The following PKP3 variants were observed in gnomAD, a reference collection of about 807,000 sequenced individuals.
The protein encoded by PKP3 is plakophilin 3, also known as plakophilin-3.
Under a neutral mutation model 76.5 loss-of-function variants are expected in PKP3, and 66 were observed. The ratio of observed to expected loss-of-function variants is 0.86; its 90% CI spans 0.71 to 1.06. The LOEUF is 1.06. PKP3 is among the 50% of genes least tolerant of loss of function. PKP3 has a pLI of 0.00. For synonymous variants in PKP3, 638 were observed against 516.5 expected (o/e 1.24, Z -3.19); for missense variants, 1,338 against 1,141.0 (o/e 1.17, Z -2.49).
chr11:397,085 A>G lies in PKP3; in HGVS notation c.584A>G (p.Tyr195Cys), dbSNP rs1847059512. Residue 195 changes from tyrosine (Y) to cysteine (C), a missense_variant, in exon 3 of 13, where the codon TAC becomes TGC. Tyr to Cys is a radical substitution (Grantham distance 194, BLOSUM62 -2). Coordinates refer to ENST00000331563, the MANE Select transcript of PKP3 (RefSeq NM_007183.4). ...RLGPGGLDDR[Y>C]SLVSEQLEPA... ...GGGCCCGGGGGCCTGGACGACCGCTACAGCCTGGTGTCTGAGCAGCTGGAG... is the reference window on the plus strand; with the variant it reads ...GGGCCCGGGGGCCTGGACGACCGCTGCAGCCTGGTGTCTGAGCAGCTGGAG... The G allele has an allele frequency of 5.6e-6, 9 of 1,598,428 alleles. No individual in the cohort carries two copies. Among genetic ancestry groups the G allele is most frequent in the South Asian group, 1.1e-5 (1 of 91,036 alleles).
chr11:394,569 G>T, intron 1 of PKP3, 45 bp downstream of exon 1: 2 of 1,328,754 alleles, frequency 1.5e-6, no homozygotes, highest in Non-Finnish European at 1.9e-6. Context: ...GCGGGGAGAG[G>T]TGGCTGCGGG....
At position 397,081 on chromosome 11, in the gene PKP3, C is replaced by T. The variant is rs771277318; in HGVS notation, c.580C>T (p.Arg194Cys). 50 of 1,598,528 alleles carry T rather than the reference C, an allele frequency of 3.1e-5. No homozygotes were observed. The highest frequency in any genetic ancestry group is 1.7e-4 in the Middle Eastern group (1 of 6,048). ...LRLGPGGLDD[R>C]YSLVSEQLEP... ...GCTGGGGCCCGGGGGCCTGGACGAC[C>T]GCTACAGCCTGGTGTCTGAGCAGCT... The change falls in exon 3 of 13, where the codon CGC becomes TGC. Residue 194 changes from arginine (R) to cysteine (C), a missense_variant. Coordinates refer to ENST00000331563, the MANE Select transcript of PKP3 (RefSeq NM_007183.4).
rs1205662419 is a variant in PKP3, at chr11:403,820, TTTTGTC to T, written c.2077+53_2077+58del. ...CTGCCCTGCTGGACCCACATGTCAA[TTTTGTC>T]TTTAAGTGTGGGCTTCAGACCACTG... On this transcript the variant is annotated intron_variant, in intron 10 of 12. Coordinates refer to ENST00000331563, the MANE Select transcript of PKP3 (RefSeq NM_007183.4). 6.3e-6 allele frequency: 10 copies of T among 1,598,722 alleles called. No individual in the cohort carries two copies. The African/African-American group carries it at 1.2e-4, about 19-fold the overall frequency.
rs1446635879 is a variant in PKP3 at position 400,597 on chromosome 11, G to GC, written c.1631dup (p.Ser545ValfsTer143). ...CCTACCGCCTCTACGACGAGATGCC[G>GC]CCGTCCGCGCTGCAGCGGCTGGAGG... is the stretch of plus-strand genomic sequence containing the variant. On this transcript the variant is annotated frameshift_variant, in exon 8 of 13. Coordinates refer to ENST00000331563, the MANE Select transcript of PKP3 (RefSeq NM_007183.4). LOFTEE classifies it high-confidence loss of function. 6.8e-6 allele frequency: 10 copies of GC among 1,465,876 alleles called. No homozygotes were observed. Among genetic ancestry groups the GC allele is most frequent in the African/African-American group, 1.5e-5 (1 of 67,256 alleles). The allele number at this position is 1,465,876 out of a possible 1,614,324, so 90.8% of individuals were successfully genotyped here.
In PKP3 at chr11:400,592, A is replaced by T. The variant is rs1401734706; in HGVS notation, c.1624A>T (p.Met542Leu). ...CCTGTCCTACCGCCTCTACGACGAGATGCCGCCGTCCGCGCTGCAGCGGCT... is the reference window on the plus strand; with the variant it reads ...CCTGTCCTACCGCCTCTACGACGAGTTGCCGCCGTCCGCGCTGCAGCGGCT... ...RNLSYRLYDEMPPSALQRLEG... is the reference protein window; with the variant it reads ...RNLSYRLYDELPPSALQRLEG... Residue 542 changes from methionine (M) to leucine (L), a missense_variant, in exon 8 of 13, where the codon ATG (methionine) becomes TTG (leucine). By Grantham distance (15) the Met-to-Leu change is conservative. Coordinates refer to ENST00000331563, the MANE Select transcript of PKP3 (RefSeq NM_007183.4). 6 of 1,470,422 alleles carry T rather than the reference A, an allele frequency of 4.1e-6. No individual in the cohort carries two copies. The African/African-American group carries it at 8.9e-5, about 22-fold the overall frequency. 91.1% of individuals were successfully genotyped at this position (1,470,422 alleles called of 1,614,324 possible).
Position 404,832 on chromosome 11 carries a change from A to G in PKP3, c.*263A>G. 2 of 538,440 alleles carry G rather than the reference A, an allele frequency of 3.7e-6. No homozygotes were observed. The highest frequency in any genetic ancestry group is 4.2e-5 in the South Asian group (2 of 47,328). 33.4% of individuals were successfully genotyped at this position (538,440 alleles called of 1,614,324 possible). A position where few individuals can be genotyped will look rare whatever the true frequency, so the allele number is the denominator to read the frequency against. Reference sequence around the variant, plus strand: ...GGGGTGGTGACCCAGTCACATTGGCAGAGGTGGGGGTTGGCTGTGGCCTGG... The same window carrying G: ...GGGGTGGTGACCCAGTCACATTGGCGGAGGTGGGGGTTGGCTGTGGCCTGG... On this transcript the variant is annotated 3_prime_UTR_variant, in exon 13 of 13. Coordinates refer to ENST00000331563, the MANE Select transcript of PKP3 (RefSeq NM_007183.4). This position sits in a 1 kb window ranked among gnomAD's most constrained non-coding sequence, Gnocchi z 4.2.
At chr11:394,556 G>A in intron 1 of PKP3, 32 bp downstream of exon 1, 1 of 1,349,892 alleles carries the variant, frequency 7.4e-7, no homozygotes, top group Non-Finnish European at 9.5e-7. Context: ...GGGGATGGCG[G>A]TGGCGGGGAG....
chr11:397,122 C>G lies in PKP3; in HGVS notation c.621C>G (p.Thr207=). 1.9e-6 allele frequency: 3 copies of G among 1,598,098 alleles called. No homozygotes were observed. Among genetic ancestry groups the G allele is most frequent in the Non-Finnish European group, 1.7e-6 (2 of 1,179,286 alleles). ...LVSEQLEPAA[T]STYRAFAYER... ...CTGAGCAGCTGGAGCCCGCGGCCAC[C>G]TCCACCTACAGGGCCTTTGCGTACG... Residue 207 remains threonine, a synonymous_variant, in exon 3 of 13, where the codon ACC becomes ACG. Coordinates refer to ENST00000331563, the MANE Select transcript of PKP3 (RefSeq NM_007183.4).
rs1463759351 is a variant in PKP3, at chr11:400,688, A to T, written c.1720A>T (p.Ser574Cys). 1 of 1,277,090 alleles carries T rather than the reference A, an allele frequency of 7.8e-7. No individual in the cohort carries two copies. The highest frequency in any genetic ancestry group is 9.9e-7 in the Non-Finnish European group (1 of 1,009,772). 79.1% of individuals were successfully genotyped at this position (1,277,090 alleles called of 1,614,324 possible). The change falls in exon 8 of 13, where the codon AGC becomes TGC. Residue 574 changes from serine to cysteine, a missense_variant. Coordinates refer to ENST00000331563, the MANE Select transcript of PKP3 (RefSeq NM_007183.4). The part of the protein sequence containing the change: ...GEVVGCFTPQ[S>C]RRLRELPLAA... ...GGTCGTGGGCTGCTTCACGCCGCAG[A>T]GCCGGCGGCTGCGCGAGGTGGGCAC...
intron 1 of PKP3, 143 bp downstream of exon 1, chr11:394,667 G>A (rs111233996): frequency 4.2e-5 from 18 of 427,582 alleles, no homozygotes; most frequent in African/African-American, 3.7e-4. Context: ...CCCGCCCCAG[G>A]GGCGTGGGGA....
Position 395,400 on chromosome 11 carries a change from G to A in PKP3, c.232+876G>A, listed in dbSNP as rs1161851249. ...GGGGAAGTGAAGGTCGCCCAGCGGA[G>A]GGGCCGGCCCGGCGGCCTGGACTGT... is the stretch of plus-strand genomic sequence containing the variant. On this transcript the variant is annotated intron_variant, in intron 1 of 12. Coordinates refer to ENST00000331563, the MANE Select transcript of PKP3 (RefSeq NM_007183.4). Among the ~76,000 whole-genome samples the A allele has an allele frequency of 2.6e-5, 4 of 152,238 alleles. No homozygotes were observed. The East Asian group carries it at 7.7e-4, about 29-fold the overall frequency.
In PKP3 at chr11:397,221, C is replaced by T; in HGVS notation, c.720C>T (p.Ser240=). 1 of 1,598,990 alleles carries T rather than the reference C, an allele frequency of 6.3e-7. No homozygotes were observed. The highest frequency in any genetic ancestry group is 8.5e-7 in the Non-Finnish European group (1 of 1,178,960). The change falls in exon 3 of 13, where the codon AGC becomes AGT. Residue 240 remains serine (S), a synonymous_variant. Transcript: ENST00000331563. The part of the protein sequence containing the change: ...DWPEATEVSP[S]RTIRAPAVRT... ...CCGAGGCCACTGAGGTTTCCCCGAG[C>T]CGGACCATCCGTGCCCCTGCCGTGC...
chr11:392,655 G>T (rs1220507482), upstream of PKP3: 1 of 1,286,854 alleles, frequency 7.8e-7, no homozygotes, highest in African/African-American at 1.5e-5. Flanking sequence ...TCGGCCGTCA[G>T]CAGTGGCCTC....
At position 403,594 on chromosome 11, in the gene PKP3, G is replaced by C. The variant is rs779206677; in HGVS notation, c.1924-24G>C. On this transcript the variant is annotated intron_variant, in intron 9 of 12. Transcript: ENST00000331563. The stretch of plus-strand genomic sequence containing the variant: ...TGAGGGTCTGAGGCCTCCGGGTCAC[G>C]GCTCACACCCTCCCTCCCCACAGTG... 5 of 1,597,054 alleles carry C rather than the reference G, an allele frequency of 3.1e-6. No homozygotes were observed. The East Asian group carries it at 8.9e-5, about 29-fold the overall frequency.
upstream of PKP3, chr11:394,155 G>A: frequency 1.5e-6 from 2 of 1,307,808 alleles, no homozygotes; most frequent in African/African-American, 3.1e-5. Flanking sequence ...CTCAGGGCTG[G>A]GCAGGCGTCT....
At position 400,144 on chromosome 11, in the gene PKP3, G is replaced by A; in HGVS notation, c.1448+3G>A. The A allele has an allele frequency of 6.5e-7, 1 of 1,546,598 alleles. No individual in the cohort carries two copies. The highest frequency in any genetic ancestry group is 8.7e-7 in the Non-Finnish European group (1 of 1,149,848). On this transcript the variant is annotated splice_donor_region_variant and intron_variant, in intron 6 of 12. Transcript: ENST00000331563. ...TACAACGCCACCGGCTTCCTCAGGT[G>A]CGCCAGCCTCGGGCAGCGGGGTGGG...
chr11:404,101 C>T lies in PKP3; in HGVS notation c.2236C>T (p.Arg746Ter), dbSNP rs370187510. ...AGACCTGCTGTATTTTGACGGACTC[C>T]GAAAGCTCATCTTCATCAAGAAGAA... The part of the protein sequence containing the change: ...ARDLLYFDGL[R>*]KLIFIKKKRD... The change falls in exon 11 of 13, where the codon CGA becomes TGA. Residue 746 changes from arginine to a stop codon, truncating the protein, a stop_gained. Coordinates refer to ENST00000331563, the MANE Select transcript of PKP3 (RefSeq NM_007183.4). LOFTEE classifies it high-confidence loss of function. This position sits in a 1 kb window ranked among gnomAD's most constrained non-coding sequence, Gnocchi z 4.2. The T allele has an allele frequency of 4.3e-6, 7 of 1,611,454 alleles. No homozygotes were observed. Among genetic ancestry groups the T allele is most frequent in the African/African-American group, 1.3e-5 (1 of 74,860 alleles).
At position 397,045 on chromosome 11, in the gene PKP3, C is replaced by T. The variant is rs113545301; in HGVS notation, c.544C>T (p.Arg182Cys). ...SRADYDTLSL[R>C]SLRLGPGGLD... ...GGCCGACTATGACACACTCTCCCTG[C>T]GCTCGCTGCGGCTGGGGCCCGGGGG... The change falls in exon 3 of 13, where the codon CGC becomes TGC. Residue 182 changes from arginine to cysteine, a missense_variant. Transcript: ENST00000331563. 3,227 of 1,599,470 alleles carry T rather than the reference C, an allele frequency of 2.0e-3. 4 individuals are homozygous for T. Among genetic ancestry groups the T allele is most frequent in the Non-Finnish European group, 2.4e-3 (2,833 of 1,179,574 alleles).
rs1847214881 is a variant in PKP3, at chr11:404,227, C to T, written c.2271-9C>T. On this transcript the variant is annotated splice_polypyrimidine_tract_variant and intron_variant, in intron 11 of 12. Coordinates refer to ENST00000331563, the MANE Select transcript of PKP3 (RefSeq NM_007183.4). This position sits in a 1 kb window ranked among gnomAD's most constrained non-coding sequence, Gnocchi z 4.2. Reference sequence around the variant, plus strand: ...TGTGTGTCCCCTCCTGACTGCCCTCCACCCTCAGCCCCGACAGTGAGAAGT... The same window carrying T: ...TGTGTGTCCCCTCCTGACTGCCCTCTACCCTCAGCCCCGACAGTGAGAAGT... 1 of 1,611,974 alleles carries T rather than the reference C, an allele frequency of 6.2e-7. No homozygotes were observed. Among genetic ancestry groups the T allele is most frequent in the Admixed American group, 1.7e-5 (1 of 59,978 alleles).
Sources: allele counts gnomAD v4.1 joint callset (sites outside exome capture counted in the v4.1 genomes callset), GRCh38; gene constraint gnomAD v4.1.1; non-coding constraint Gnocchi (gnomAD v3.1); transcripts MANE v1.5; gene names NCBI Gene and HGNC (gene_info 2026-07-23, HGNC 2026-07-21).